The following DNAJB12 variants were observed in gnomAD, a reference collection of about 807,000 sequenced individuals.
The protein encoded by DNAJB12 is dnaJ homolog subfamily B member 12.
Under a neutral mutation model 40.6 loss-of-function variants are expected in DNAJB12, and 14 were observed. The ratio of observed to expected loss-of-function variants is 0.34; its 90% CI spans 0.23 to 0.54. The LOEUF (loss-of-function observed/expected upper bound fraction) is 0.54, where lower values mean the gene tolerates loss of function less well. Among genes scored for constraint, DNAJB12 ranks in the 20% least tolerant of loss-of-function variants. DNAJB12 has a pLI of 0.92. For missense variants in DNAJB12, 444 were observed against 501.7 expected (o/e 0.89, Z 1.10); for synonymous variants, 181 against 199.5 (o/e 0.91, Z 0.78).
At chr10:72,351,650 G>T (rs138532705) in intron 1 of DNAJB12, among the ~76,000 whole-genome samples, 1 of 152,340 alleles carries the variant, frequency 6.6e-6, no homozygotes, top group East Asian at 1.9e-4. Context: ...TCAATCTGTT[G>T]CTTCCTCTGC....
At chr10:72,353,354 G>C (rs1861981055) in intron 1 of DNAJB12, 1 of 152,228 alleles carries the variant, frequency 6.6e-6, no homozygotes, top group African/African-American at 2.4e-5. Flanking sequence ...CAGGTGTCCT[G>C]GCAAATACAG....
intron 1 of DNAJB12, among the ~76,000 whole-genome samples, chr10:72,350,686 C>T (rs1861914434): frequency 6.6e-6 from 1 of 152,142 alleles, no homozygotes; most frequent in African/African-American, 2.4e-5. Context: ...AGAAAAGGGC[C>T]TGGGATTGGA....
intron 1 of DNAJB12, chr10:72,353,387 G>A (rs1265524976): frequency 2.0e-5 from 3 of 152,280 alleles, no homozygotes; most frequent in Non-Finnish European, 4.4e-5. Context: ...TCCAAGGGGA[G>A]GCAAACAGGC....
chr10:72,344,550 TG>T (rs1231331862), intron 2 of DNAJB12, among the ~76,000 whole-genome samples: 1 of 152,242 alleles, frequency 6.6e-6, no homozygotes, highest in Admixed American at 6.5e-5. Context: ...ACACAGGCTC[TG>T]ATCTAAAAGG....
At position 72,346,330 on chromosome 10, in the gene DNAJB12, AT is replaced by A. The variant is rs965588361; in HGVS notation, c.134-1204del. 1.3e-3 allele frequency among the ~76,000 whole-genome samples: 178 copies of A among 133,600 alleles called. 1 individual carries two copies. Among genetic ancestry groups the A allele is most frequent in the Non-Finnish European group, 1.3e-3 (82 of 62,278 alleles). The allele number at this position is 133,600 out of a possible 152,430, so 87.6% of individuals were successfully genotyped here. A position where few individuals can be genotyped will look rare whatever the true frequency, so the allele number is the denominator to read the frequency against. Reference sequence around the variant, plus strand: ...AGGCACGTGCCACCACGCCTGGCTAATTTTTTTTTTTTTGACACGGAGTCTT... The same window carrying A: ...AGGCACGTGCCACCACGCCTGGCTAATTTTTTTTTTTTGACACGGAGTCTT... On this transcript the variant is annotated intron_variant, in intron 1 of 8. Coordinates refer to ENST00000444643, the MANE Select transcript of DNAJB12 (RefSeq NM_017626.7).
At chr10:72,344,477 T>C (rs1386463453) in intron 2 of DNAJB12, among the ~76,000 whole-genome samples, 1 of 152,212 alleles carries the variant, frequency 6.6e-6, no homozygotes, top group Non-Finnish European at 1.5e-5. Context: ...AGCGAGCTAC[T>C]CTGCGTGGGG....
In DNAJB12 at chr10:72,333,129, C is replaced by G. The variant is rs564212110; in HGVS notation, c.*1519G>C. 7.2e-5 allele frequency: 11 copies of G among 152,358 alleles called. No homozygotes were observed. Among genetic ancestry groups the G allele is most frequent in the African/African-American group, 2.4e-4 (10 of 41,546 alleles). 9.4% of individuals were successfully genotyped at this position (152,358 alleles called of 1,614,324 possible). A position where few individuals can be genotyped will look rare whatever the true frequency, so the allele number is the denominator to read the frequency against. On this transcript the variant is annotated 3_prime_UTR_variant, in exon 9 of 9. Coordinates refer to ENST00000444643, the MANE Select transcript of DNAJB12 (RefSeq NM_017626.7). ...GACATTTCCTTACCGAACTTCCTTT[C>G]CCAGCAAGAATCCTATTTGTTGGGG...
chr10:72,345,893 C>CA (rs1247241424), intron 1 of DNAJB12, among the ~76,000 whole-genome samples: 1,974 of 61,124 alleles, frequency 0.032, 73 homozygotes, highest in African/African-American at 0.087. Flanking sequence ...GGATCTGTCT[C>CA]AAAAAAAAAA....
chr10:72,334,940 G>C, intron 8 of DNAJB12: 1 of 1,201,484 alleles, frequency 8.3e-7, no homozygotes. Context: ...TCTGGCAAAC[G>C]CTGGGAACAG....
intron 1 of DNAJB12, among the ~76,000 whole-genome samples, chr10:72,350,891 C>A (rs753777862): frequency 6.6e-6 from 1 of 152,148 alleles, no homozygotes; most frequent in Non-Finnish European, 1.5e-5. Context: ...GGGTACAACC[C>A]CACCCCGGAC....
rs966175290 is a variant in DNAJB12, at chr10:72,335,551, G to A, written c.*30+229C>T. ...GGTCCCCCACACCCCTGGAGCCAGG[G>A]AGCAGAGCGGAGGAGTGGGGAGGAC... On this transcript the variant is annotated intron_variant, in intron 8 of 8. Transcript: ENST00000444643. This position sits in a 1 kb window ranked among gnomAD's most constrained non-coding sequence, Gnocchi z 4.4. 1.7e-4 allele frequency: 215 copies of A among 1,297,714 alleles called. No individual in the cohort carries two copies. The highest frequency in any genetic ancestry group is 1.5e-3 in the Admixed American group (43 of 28,252). The allele number at this position is 1,297,714 out of a possible 1,614,324, so 80.4% of individuals were successfully genotyped here.
chr10:72,347,124 C>T (rs539395520), intron 1 of DNAJB12, among the ~76,000 whole-genome samples: 3 of 152,186 alleles, frequency 2.0e-5, no homozygotes, highest in East Asian at 1.9e-4. Context: ...ACCACCACGC[C>T]GGCTAATTGT....
intron 1 of DNAJB12, among the ~76,000 whole-genome samples, chr10:72,352,064 C>G (rs1488480931): frequency 6.6e-6 from 1 of 152,200 alleles, no homozygotes; most frequent in Non-Finnish European, 1.5e-5. Flanking sequence ...AATATCCAAC[C>G]AGCTCAAGGC....
chr10:72,347,289 T>C (rs952519659), intron 1 of DNAJB12, among the ~76,000 whole-genome samples: 1 of 152,084 alleles, frequency 6.6e-6, no homozygotes, highest in African/African-American at 2.4e-5. Context: ...GATCTCAAAG[T>C]AGTGAGTTTA....
chr10:72,352,050 T>A (rs1861948661), intron 1 of DNAJB12, among the ~76,000 whole-genome samples: 1 of 152,162 alleles, frequency 6.6e-6, no homozygotes, highest in African/African-American at 2.4e-5. Flanking sequence ...TCCCAGGCCC[T>A]CAGAATATCC....
chr10:72,346,751 G>A (rs774555576), intron 1 of DNAJB12, among the ~76,000 whole-genome samples: 6 of 152,080 alleles, frequency 3.9e-5, no homozygotes, highest in Non-Finnish European at 7.4e-5. Context: ...ATGAGCCACC[G>A]TGCCTTGCTA....
rs887796438 is a variant in DNAJB12, at chr10:72,335,519, G to A, written c.*30+261C>T. The A allele has an allele frequency of 6.6e-6, 8 of 1,212,052 alleles. No homozygotes were observed. The highest frequency in any genetic ancestry group is 6.2e-6 in the Non-Finnish European group (6 of 964,638). 75.1% of individuals were successfully genotyped at this position (1,212,052 alleles called of 1,614,324 possible). On this transcript the variant is annotated intron_variant, in intron 8 of 8. Transcript: ENST00000444643. This position sits in a 1 kb window ranked among gnomAD's most constrained non-coding sequence, Gnocchi z 4.4. Reference sequence around the variant, plus strand: ...CAGTTTCAAGTTCCCACTCTGCCTGGTTCTGGGGTCCCCCACACCCCTGGA... The same window carrying A: ...CAGTTTCAAGTTCCCACTCTGCCTGATTCTGGGGTCCCCCACACCCCTGGA...
chr10:72,336,568 T>C lies in DNAJB12; in HGVS notation c.962A>G (p.Tyr321Cys). Residue 321 changes from tyrosine to cysteine, a missense_variant, in exon 7 of 9, where the codon TAT becomes TGT. Physicochemically the swap from Tyr to Cys is radical, Grantham distance 194. Coordinates refer to ENST00000444643, the MANE Select transcript of DNAJB12 (RefSeq NM_017626.7). ...KTVERNVEDDYIANLRNNCWK... is the reference protein window; with the variant it reads ...KTVERNVEDDCIANLRNNCWK... ...GCAGTTGTTCCGGAGGTTGGCGATA[T>C]AATCATCTTCCACATTCCGCTCGAC... 1 of 1,614,126 alleles carries C rather than the reference T, an allele frequency of 6.2e-7. No homozygotes were observed. The highest frequency in any genetic ancestry group is 8.5e-7 in the Non-Finnish European group (1 of 1,179,988).
rs1467807380 is a variant in DNAJB12, at chr10:72,344,882, G to T, written c.311+68C>A. On this transcript the variant is annotated intron_variant, in intron 2 of 8. Transcript: ENST00000444643. ...GCCCACAGGCAGATGGGAGGTGGAG[G>T]ACATGCTCCAGGAAGCCTCTAGATT... The T allele has an allele frequency of 2.5e-6, 4 of 1,575,556 alleles. No homozygotes were observed. The African/African-American group carries it at 4.0e-5, about 16-fold the overall frequency.
Sources: allele counts gnomAD v4.1 joint callset (sites outside exome capture counted in the v4.1 genomes callset), GRCh38; gene constraint gnomAD v4.1.1; non-coding constraint Gnocchi (gnomAD v3.1); transcripts MANE v1.5; gene names NCBI Gene and HGNC (gene_info 2026-07-23, HGNC 2026-07-21).